Variants in JAK1 observed in about 807,000 individuals in gnomAD.
JAK1 encodes Janus kinase 1, also known as tyrosine-protein kinase JAK1.
JAK1 carries 16 observed loss-of-function variants against 136.6 expected under a neutral mutation model. The observed-to-expected ratio is 0.12, with a 90% CI of 0.08 to 0.18. The LOEUF (loss-of-function observed/expected upper bound fraction) is 0.18, where lower values mean the gene tolerates loss of function less well. Among genes scored for constraint, JAK1 ranks in the 10% least tolerant of loss-of-function variants. The pLI is 1.00. For missense variants in JAK1, 859 were observed against 1,450.1 expected, an observed-to-expected ratio of 0.59 and a Z score of 6.62; for synonymous variants, 492 against 519.5, an observed-to-expected ratio of 0.95 and a Z score of 0.72.
intron 1 of JAK1, among the ~76,000 whole-genome samples, chr1:64,903,341 T>G (rs1211085464): frequency 1.3e-5 from 2 of 152,186 alleles, no homozygotes; most frequent in Non-Finnish European, 2.9e-5. Context: ...GTCTGTAAAC[T>G]TTTTATTACC....
chr1:64,934,490 A>T (rs1645753559), intron 1 of JAK1, among the ~76,000 whole-genome samples: 1 of 152,296 alleles, frequency 6.6e-6, no homozygotes, highest in East Asian at 1.9e-4. Context: ...CAGAGCAGTA[A>T]AGAAAAACAA....
intron 2 of JAK1, chr1:64,985,019 A>G: frequency 1.2e-6 from 1 of 859,428 alleles, no homozygotes; most frequent in Non-Finnish European, 2.0e-6. Context: ...TTATCCCATT[A>G]CACTCATCCT....
At chr1:64,873,549 AT>A in intron 4 of JAK1, 26 bp from the exon 5 acceptor site, 1 of 1,613,908 alleles carries the variant, frequency 6.2e-7, no homozygotes, top group East Asian at 2.2e-5. Context: ...ATGAATGCCA[AT>A]TGTGGCAAAG....
At chr1:64,954,076 A>G (rs1174346962) in intron 1 of JAK1, among the ~76,000 whole-genome samples, 1 of 152,232 alleles carries the variant, frequency 6.6e-6, no homozygotes, top group Non-Finnish European at 1.5e-5. Flanking sequence ...ATTAGGTTAG[A>G]AGAAACAAGT....
chr1:65,032,484 A>C (rs1200310747), intron 2 of JAK1, among the ~76,000 whole-genome samples: 1 of 152,226 alleles, frequency 6.6e-6, no homozygotes, highest in Admixed American at 6.5e-5. Context: ...AATTTCGTAA[A>C]TGGAAACACA....
At chr1:64,924,286 T>C (rs537171114) in intron 1 of JAK1, among the ~76,000 whole-genome samples, 1 of 152,300 alleles carries the variant, frequency 6.6e-6, no homozygotes, top group East Asian at 1.9e-4. Flanking sequence ...ATGCAAAAAG[T>C]CCGTTACATA....
intron 2 of JAK1, among the ~76,000 whole-genome samples, chr1:65,001,525 GAA>G (rs900611309): frequency 1.3e-5 from 2 of 152,186 alleles, no homozygotes; most frequent in African/African-American, 4.8e-5. Context: ...CTTCCAGGAG[GAA>G]AAGAGGGGGT....
At position 65,007,964 on chromosome 1, in the gene JAK1, C is replaced by T. The variant is rs373742565; in HGVS notation, c.-78+36516G>A. Among the ~76,000 whole-genome samples the T allele has an allele frequency of 1.2e-4, 19 of 152,198 alleles. 1 individual carries two copies. Among genetic ancestry groups the T allele is most frequent in the Admixed American group, 3.3e-4 (5 of 15,284 alleles). ...TTTACCATGTTGTACAGGCTGGTCT[C>T]GAACTCCTGACCTCAGGTGATCCGC... On this transcript the variant is annotated intron_variant, in intron 2 of 25. Coordinates refer to the JAK1 transcript ENST00000671954.
At chr1:64,856,696 T>G (rs987417468) in intron 10 of JAK1, among the ~76,000 whole-genome samples, 1 of 152,198 alleles carries the variant, frequency 6.6e-6, no homozygotes, top group Admixed American at 6.5e-5. Context: ...TGACAGGCTC[T>G]GAGCCACGGA....
At chr1:65,018,474 G>T (rs1646908302) in intron 2 of JAK1, among the ~76,000 whole-genome samples, 1 of 145,148 alleles carries the variant, frequency 6.9e-6, no homozygotes. Context: ...GAGAGAGAGA[G>T]AGAGAGAGAG....
chr1:64,850,966 C>T, intron 11 of JAK1, 56 bp from the exon 12 acceptor site: 2 of 1,204,760 alleles, frequency 1.7e-6, no homozygotes, highest in South Asian at 1.2e-5. Context: ...AGCTCTCAGA[C>T]AGCCAACGTC....
chr1:64,985,320 T>C, intron 2 of JAK1: 2 of 1,610,876 alleles, frequency 1.2e-6, no homozygotes, highest in Admixed American at 3.3e-5. Flanking sequence ...TCTAAAGAGC[T>C]CCAGCACAGT....
intron 1 of JAK1, among the ~76,000 whole-genome samples, chr1:64,923,683 A>G (rs1035147384): frequency 1.3e-5 from 2 of 152,210 alleles, no homozygotes; most frequent in African/African-American, 4.8e-5. Context: ...AACTTTATTC[A>G]AACACAGAGT....
chr1:64,860,278 A>T lies in JAK1; in HGVS notation c.1177-16T>A. On this transcript the variant is annotated splice_polypyrimidine_tract_variant and intron_variant, in intron 8 of 24. Coordinates refer to ENST00000342505, the MANE Select transcript of JAK1 (RefSeq NM_002227.4). ...GCTTCAGTTCCTGTTGAGAGAGAAG[A>T]AATTCCCACGGTTACATCATGTCTC... 1 of 1,592,980 alleles carries T rather than the reference A, an allele frequency of 6.3e-7. No individual in the cohort carries two copies. Among genetic ancestry groups the T allele is most frequent in the Non-Finnish European group, 8.6e-7 (1 of 1,167,516 alleles).
At chr1:64,850,940 C>T (rs750017104) in intron 11 of JAK1, 30 bp from the exon 12 acceptor site, 7 of 1,473,684 alleles carry the variant, frequency 4.8e-6, no homozygotes, top group Non-Finnish European at 6.6e-6. Flanking sequence ...AGTCTGAGCA[C>T]AGCACCCAAG....
chr1:64,880,407 CT>C (rs1644752936), intron 3 of JAK1, among the ~76,000 whole-genome samples: 1 of 152,138 alleles, frequency 6.6e-6, no homozygotes, highest in Non-Finnish European at 1.5e-5. Flanking sequence ...CATAAAGTGG[CT>C]TTTGTGGACT....
chr1:64,885,334 C>T (rs1222169254), intron 2 of JAK1, among the ~76,000 whole-genome samples: 1 of 152,140 alleles, frequency 6.6e-6, no homozygotes, highest in Non-Finnish European at 1.5e-5. Flanking sequence ...AAACCTTTGT[C>T]CTTGAGAGTC....
intron 4 of JAK1, 83 bp downstream of exon 4, chr1:64,878,942 G>A (rs1644725206): frequency 1.5e-6 from 2 of 1,345,444 alleles, no homozygotes; most frequent in East Asian, 2.5e-5. Flanking sequence ...ATACTTCTTG[G>A]TAAGTGACTC....
chr1:64,988,481 C>G lies in JAK1; in HGVS notation c.-78+55999G>C, dbSNP rs149689483. On this transcript the variant is annotated intron_variant, in intron 2 of 25. Coordinates refer to the JAK1 transcript ENST00000671954. ...TAGGCAGCCCCAAGCTCCTGTCCCC[C>G]CCATAGAAACTCAAAAAACAAGCAG... Among the ~76,000 whole-genome samples, 654 of 152,098 alleles carry G rather than the reference C, an allele frequency of 4.3e-3. 5 individuals carry two copies. Among genetic ancestry groups the G allele is most frequent in the African/African-American group, 0.011 (473 of 41,484 alleles).
Sources: allele counts gnomAD v4.1 joint callset (sites outside exome capture counted in the v4.1 genomes callset), GRCh38; gene constraint gnomAD v4.1.1; transcripts MANE v1.5; gene names NCBI Gene and HGNC (gene_info 2026-07-23, HGNC 2026-07-21).